KCNJ6: variants seen among roughly 807,000 people sequenced by gnomAD.
KCNJ6 encodes potassium inwardly rectifying channel subfamily J member 6, also known as G protein-activated inward rectifier potassium channel 2.
KCNJ6 carries 9 observed loss-of-function variants against 34.2 expected under a neutral mutation model. The ratio of observed to expected loss-of-function variants is 0.26; its 90% CI spans 0.16 to 0.46. KCNJ6 has a LOEUF of 0.46. Ranked by LOEUF, KCNJ6 falls within the 20% of genes least tolerant of loss-of-function variation. The probability of loss-of-function intolerance (pLI) is 1.00; values close to 1 mark genes in which losing one functional copy is unlikely to be tolerated. For synonymous variants in KCNJ6, 196 were observed against 207.1 expected (o/e 0.95, Z 0.46); for missense variants, 236 against 531.3 (o/e 0.44, Z 5.46).
chr21:37,824,720 C>T lies in KCNJ6; in HGVS notation c.25+15938G>A, dbSNP rs549370922. Among the ~76,000 whole-genome samples, 10 of 152,326 alleles carry T rather than the reference C, an allele frequency of 6.6e-5. No homozygotes were observed. In the East Asian group the frequency reaches 1.9e-3, roughly 29 times the overall value. On this transcript the variant is annotated intron_variant, in intron 2 of 3. Transcript: ENST00000609713. ...CCTGCCACCATGTAAGACGTGCTTGCTTCTCCTTTGCCTTCTGCCATAATT... is the reference window on the plus strand; with the variant it reads ...CCTGCCACCATGTAAGACGTGCTTGTTTCTCCTTTGCCTTCTGCCATAATT...
intron 1 of KCNJ6, among the ~76,000 whole-genome samples, chr21:37,904,953 T>C (rs1431499519): frequency 6.6e-6 from 1 of 152,200 alleles, no homozygotes; most frequent in African/African-American, 2.4e-5. Flanking sequence ...CCACAGCCCC[T>C]ATCTGGCTGC....
intron 1 of KCNJ6, among the ~76,000 whole-genome samples, chr21:37,858,958 G>T (rs1365941121): frequency 1.3e-5 from 2 of 152,140 alleles, no homozygotes; most frequent in African/African-American, 2.4e-5. Context: ...TTATGGTAGG[G>T]AGACAAAAGT....
chr21:37,852,426 T>C (rs1482474297), intron 1 of KCNJ6, among the ~76,000 whole-genome samples: 2 of 152,076 alleles, frequency 1.3e-5, no homozygotes, highest in African/African-American at 4.8e-5. Flanking sequence ...ACGTGAGAAG[T>C]AGTAATGAGG....
At chr21:37,894,293 C>G (rs1386322313) in intron 1 of KCNJ6, among the ~76,000 whole-genome samples, 2 of 152,162 alleles carry the variant, frequency 1.3e-5, no homozygotes, top group African/African-American at 2.4e-5. Context: ...TCTACTGAAC[C>G]AGGATCTGCA....
At chr21:37,699,029 A>T (rs944039912) in intron 3 of KCNJ6, among the ~76,000 whole-genome samples, 3 of 152,170 alleles carry the variant, frequency 2.0e-5, no homozygotes, top group African/African-American at 7.2e-5. Context: ...GTTAAAAAAA[A>T]ATCCAAAGTG....
At chr21:37,901,418 C>T (rs1422408051) in intron 1 of KCNJ6, among the ~76,000 whole-genome samples, 1 of 152,084 alleles carries the variant, frequency 6.6e-6, no homozygotes, top group Non-Finnish European at 1.5e-5. Flanking sequence ...GTATGGAAAC[C>T]ACATGGAAAT....
intron 3 of KCNJ6, among the ~76,000 whole-genome samples, chr21:37,645,637 G>T (rs2054400745): frequency 6.6e-6 from 1 of 152,174 alleles, no homozygotes; most frequent in Admixed American, 6.5e-5. Context: ...GGGAAGTTTT[G>T]TCCCAGAGGT....
intron 2 of KCNJ6, among the ~76,000 whole-genome samples, chr21:37,743,772 A>AG (rs1280151359): frequency 6.6e-6 from 1 of 152,050 alleles, no homozygotes; most frequent in African/African-American, 2.4e-5. Context: ...TAAAAAAACA[A>AG]AGACTATGAC....
intron 1 of KCNJ6, among the ~76,000 whole-genome samples, chr21:37,847,684 A>T (rs1044218430): frequency 1.3e-5 from 2 of 151,706 alleles, no homozygotes; most frequent in Non-Finnish European, 2.9e-5. Flanking sequence ...GTAAAACACC[A>T]GAAGGGTTCT....
At chr21:37,909,035 T>A (rs1218789906) in intron 1 of KCNJ6, among the ~76,000 whole-genome samples, 1 of 152,216 alleles carries the variant, frequency 6.6e-6, no homozygotes, top group East Asian at 1.9e-4. Context: ...CCCGGATCAT[T>A]AAAATCTTCT....
At position 37,791,206 on chromosome 21, in the gene KCNJ6, G is replaced by T. The variant is rs180978508; in HGVS notation, c.25+49452C>A. On this transcript the variant is annotated intron_variant, in intron 2 of 3. Coordinates refer to ENST00000609713, the MANE Select transcript of KCNJ6 (RefSeq NM_002240.5). ...TCTCCAGCTCCTTCTCTCTCCTCTG[G>T]GGCAGTTTCTGATTAACCTTACATT... Among the ~76,000 whole-genome samples, 3 of 152,162 alleles carry T rather than the reference G, an allele frequency of 2.0e-5. No individual in the cohort carries two copies. In the East Asian group the frequency reaches 5.8e-4, roughly 29 times the overall value.
intron 2 of KCNJ6, among the ~76,000 whole-genome samples, chr21:37,812,028 G>A (rs2123543603): frequency 6.6e-6 from 1 of 152,176 alleles, no homozygotes; most frequent in East Asian, 1.9e-4. Context: ...TAGAAAGAAG[G>A]GAATAGTCTC....
chr21:37,765,856 A>T (rs1217886351), intron 2 of KCNJ6, among the ~76,000 whole-genome samples: 2 of 152,254 alleles, frequency 1.3e-5, no homozygotes, highest in Non-Finnish European at 2.9e-5. Context: ...TGTAGAATCA[A>T]CAAAAGCATT....
At chr21:37,874,674 A>G (rs2055668975) in intron 1 of KCNJ6, among the ~76,000 whole-genome samples, 1 of 152,226 alleles carries the variant, frequency 6.6e-6, no homozygotes, top group African/African-American at 2.4e-5. Flanking sequence ...AGCTGTCCTC[A>G]GGGCTCTCTG....
intron 1 of KCNJ6, among the ~76,000 whole-genome samples, chr21:37,914,664 T>C (rs898803601): frequency 5.3e-5 from 8 of 152,212 alleles, no homozygotes; most frequent in Admixed American, 4.6e-4. Flanking sequence ...CCAGGCAAAA[T>C]GGGCGAAGCT....
intron 3 of KCNJ6, among the ~76,000 whole-genome samples, chr21:37,677,756 A>ATCCATC (rs2054571260): frequency 1.3e-4 from 1 of 7,896 alleles, no homozygotes; most frequent in Non-Finnish European, 2.4e-4. Flanking sequence ...ACCCACCCAC[A>ATCCATC]CACCAAACCA....
chr21:37,647,204 T>G (rs1022427170), intron 3 of KCNJ6, among the ~76,000 whole-genome samples: 3 of 152,194 alleles, frequency 2.0e-5, no homozygotes, highest in Non-Finnish European at 4.4e-5. Context: ...GTATCCTTAT[T>G]ATAACTTGAA....
In KCNJ6 at chr21:37,613,851, T is replaced by C. The variant is rs1360419314; in HGVS notation, c.*11308A>G. 1 of 152,184 alleles carries C rather than the reference T, an allele frequency of 6.6e-6. No individual in the cohort carries two copies. The highest frequency in any genetic ancestry group is 1.5e-5 in the Non-Finnish European group (1 of 68,054). The allele number at this position is 152,184 out of a possible 1,614,324, so 9.4% of individuals were successfully genotyped here. ...CTATAATGGTGGATCCATGCCTTTA[T>C]ACATTTGCCCAAATCCATAGAATGT... On this transcript the variant is annotated 3_prime_UTR_variant, in exon 4 of 4. Transcript: ENST00000609713.
At chr21:37,795,447 A>C (rs1429491212) in intron 2 of KCNJ6, among the ~76,000 whole-genome samples, 1 of 152,178 alleles carries the variant, frequency 6.6e-6, no homozygotes, top group Non-Finnish European at 1.5e-5. Flanking sequence ...AAAGAAAGTA[A>C]GATTGCCACA....
Sources: allele counts gnomAD v4.1 joint callset (sites outside exome capture counted in the v4.1 genomes callset), GRCh38; gene constraint gnomAD v4.1.1; transcripts MANE v1.5; gene names NCBI Gene and HGNC (gene_info 2026-07-23, HGNC 2026-07-21).